ITPR2: variants seen among roughly 807,000 people sequenced by gnomAD.
The protein encoded by ITPR2 is inositol 1,4,5-trisphosphate-gated calcium channel ITPR2.
A neutral mutation model predicts 317.1 loss-of-function variants in ITPR2; 207 were observed. The ratio of observed to expected loss-of-function variants is 0.65; its 90% CI spans 0.58 to 0.73. The LOEUF (loss-of-function observed/expected upper bound fraction) is 0.73. ITPR2 is among the 30% of genes least tolerant of loss of function. The pLI is 0.00. For synonymous variants in ITPR2, 1,156 were observed against 1,149.1 expected, an observed-to-expected ratio of 1.01 and a Z score of -0.12; for missense variants, 2,613 against 3,284.0, an observed-to-expected ratio of 0.80 and a Z score of 4.99.
At chr12:26,702,858 C>A (rs553999083) in intron 9 of ITPR2, among the ~76,000 whole-genome samples, 1 of 152,174 alleles carries the variant, frequency 6.6e-6, no homozygotes, top group African/African-American at 2.4e-5. Flanking sequence ...CGTGTTAAAT[C>A]TTGTATCATT....
chr12:26,385,656 G>C (rs1327531818), intron 55 of ITPR2, among the ~76,000 whole-genome samples: 2 of 152,012 alleles, frequency 1.3e-5, no homozygotes, highest in African/African-American at 4.8e-5. Flanking sequence ...CCTATAAGTG[G>C]ACCATGTGCC....
At chr12:26,731,294 A>G (rs1949024847) in intron 2 of ITPR2, among the ~76,000 whole-genome samples, 1 of 152,196 alleles carries the variant, frequency 6.6e-6, no homozygotes, top group Non-Finnish European at 1.5e-5. Context: ...TATTCTCCCT[A>G]CGTGGAGAAA....
chr12:26,544,874 A>C (rs775749523), intron 37 of ITPR2, among the ~76,000 whole-genome samples: 80 of 152,236 alleles, frequency 5.3e-4, no homozygotes, highest in Non-Finnish European at 9.0e-4. Context: ...GACTTAACGC[A>C]ATTCACTTTT....
At chr12:26,701,200 C>T (rs1948439805) in intron 9 of ITPR2, among the ~76,000 whole-genome samples, 1 of 152,014 alleles carries the variant, frequency 6.6e-6, no homozygotes, top group Non-Finnish European at 1.5e-5. Context: ...GCTTGTACCG[C>T]AATCAATTAA....
intron 2 of ITPR2, among the ~76,000 whole-genome samples, chr12:26,767,570 T>C (rs1331133779): frequency 6.6e-6 from 1 of 152,236 alleles, no homozygotes; most frequent in Non-Finnish European, 1.5e-5. Context: ...TAGACATGAT[T>C]ATCATTTTGT....
intron 21 of ITPR2, among the ~76,000 whole-genome samples, chr12:26,639,420 G>C (rs1035040697): frequency 1.3e-5 from 2 of 151,736 alleles, no homozygotes; most frequent in African/African-American, 4.8e-5. Flanking sequence ...AAGATATGAA[G>C]CTCATATATT....
chr12:26,782,021 TATATATATATATGTATAGAGAGAG>T (rs1950096382), intron 2 of ITPR2, among the ~76,000 whole-genome samples: 1 of 29,330 alleles, frequency 3.4e-5, no homozygotes, highest in Non-Finnish European at 7.2e-5. Context: ...TATATATATA[TATATATATATATGTATAGAGAGAG>T]AGAGAGAGAG....
intron 26 of ITPR2, among the ~76,000 whole-genome samples, chr12:26,611,059 C>T (rs183417483): frequency 1.3e-5 from 2 of 152,320 alleles, no homozygotes; most frequent in Non-Finnish European, 2.9e-5. Context: ...GTAACCGTCT[C>T]AATAAAGGGA....
At chr12:26,644,987 C>G (rs541289070) in intron 21 of ITPR2, among the ~76,000 whole-genome samples, 1 of 152,148 alleles carries the variant, frequency 6.6e-6, no homozygotes, top group African/African-American at 2.4e-5. Flanking sequence ...AAAGGCTCAG[C>G]CCCCTCACCC....
At chr12:26,520,325 A>T (rs1943630365) in intron 37 of ITPR2, among the ~76,000 whole-genome samples, 1 of 152,122 alleles carries the variant, frequency 6.6e-6, no homozygotes, top group South Asian at 2.1e-4. Flanking sequence ...GAGGAAGAAC[A>T]GACTCCAGGA....
chr12:26,393,631 C>A (rs977267594), intron 54 of ITPR2, among the ~76,000 whole-genome samples: 2 of 152,100 alleles, frequency 1.3e-5, no homozygotes, highest in African/African-American at 2.4e-5. Flanking sequence ...TCTATTTGTT[C>A]TAATATAAAA....
At chr12:26,419,320 T>C in intron 49 of ITPR2, 107 bp from the exon 50 acceptor site, 1 of 909,966 alleles carries the variant, frequency 1.1e-6, no homozygotes, top group Non-Finnish European at 1.6e-6. Flanking sequence ...ATGAAACAAT[T>C]ATTCATTAAA....
chr12:26,600,211 A>G (rs1041235658), intron 28 of ITPR2, 102 bp from the exon 29 acceptor site: 1 of 925,948 alleles, frequency 1.1e-6, no homozygotes. Context: ...CTCTCTGCCC[A>G]TCTTTGATCT....
At chr12:26,343,379 A>T (rs1001448798) in intron 55 of ITPR2, among the ~76,000 whole-genome samples, 3 of 152,228 alleles carry the variant, frequency 2.0e-5, no homozygotes, top group Admixed American at 6.5e-5. Flanking sequence ...AGTCTGGTAA[A>T]AGTAAATATC....
rs1591828628 is a variant in ITPR2 at position 26,494,038 on chromosome 12, T to C, written c.5370+115A>G. ...AAAAGTGTGATACATGGATTTTTTT[T>C]TTTTTAGATAGTAATAAGAGCTAAA... On this transcript the variant is annotated intron_variant, in intron 39 of 56. Transcript: ENST00000381340. 2.0e-5 allele frequency: 14 copies of C among 711,800 alleles called. No individual in the cohort carries two copies. The East Asian group carries it at 4.4e-4, about 22-fold the overall frequency. 44.1% of individuals were successfully genotyped at this position (711,800 alleles called of 1,614,324 possible).
chr12:26,563,152 A>T lies in ITPR2; in HGVS notation c.4631-1200T>A, dbSNP rs1006903739. On this transcript the variant is annotated intron_variant, in intron 34 of 56. Transcript: ENST00000381340. ...GTTTTTACCTGGAGGACAAAGTCAG[A>T]GAAATGAAGAAATGTTCTCTCAAGA... Among the ~76,000 whole-genome samples, 7 of 152,346 alleles carry T rather than the reference A, an allele frequency of 4.6e-5. No homozygotes were observed. The South Asian group carries it at 1.0e-3, about 23-fold the overall frequency.
At chr12:26,515,760 G>A (rs899546247) in intron 37 of ITPR2, among the ~76,000 whole-genome samples, 4 of 151,810 alleles carry the variant, frequency 2.6e-5, no homozygotes, top group Admixed American at 6.6e-5. Flanking sequence ...CACCAAAGCC[G>A]CAGTTCATAT....
At chr12:26,516,347 G>GA (rs1304921182) in intron 37 of ITPR2, among the ~76,000 whole-genome samples, 1 of 150,744 alleles carries the variant, frequency 6.6e-6, no homozygotes, top group African/African-American at 2.4e-5. Context: ...GAAAGGAAAG[G>GA]AAAGGAAAGG....
At chr12:26,472,873 T>C (rs1158592145) in intron 45 of ITPR2, among the ~76,000 whole-genome samples, 1 of 152,142 alleles carries the variant, frequency 6.6e-6, no homozygotes, top group Non-Finnish European at 1.5e-5. Context: ...CTCTGTTTTT[T>C]TTTGTTTTTT....
Sources: gnomAD v4.1 joint callset for allele counts (sites outside exome capture counted in the v4.1 genomes callset) on GRCh38, gnomAD v4.1.1 for gene constraint, MANE v1.5 for transcripts, NCBI Gene and HGNC (gene_info 2026-07-23, HGNC 2026-07-21) for gene names.